The following FTCDNL1 variants were observed in gnomAD, a reference collection of about 807,000 sequenced individuals.
FTCDNL1 encodes formiminotransferase cyclodeaminase N-terminal like.
A neutral mutation model predicts 5.9 loss-of-function variants in FTCDNL1; 11 were observed. The observed-to-expected ratio is 1.87, with a 90% CI of 1.18 to 3.10. FTCDNL1 has a LOEUF of 3.10. Ranked by LOEUF, FTCDNL1 falls within the 30% of genes most tolerant of loss-of-function variation. The pLI is 0.00. For missense variants in FTCDNL1, 115 were observed against 65.5 expected (o/e 1.76, Z -2.61); for synonymous variants, 58 against 24.8 (o/e 2.34, Z -3.99).
chr2:199,788,486 A>G (rs1206990065), intron 3 of FTCDNL1, among the ~76,000 whole-genome samples: 1 of 152,232 alleles, frequency 6.6e-6, no homozygotes, highest in Admixed American at 6.5e-5. Context: ...GTAAATCCCG[A>G]GAATAAAATA....
At chr2:199,703,583 A>G in the FTCDNL1 span, among the ~76,000 whole-genome samples, 4 of 152,152 alleles carry the variant, frequency 2.6e-5, no homozygotes, top group Non-Finnish European at 5.9e-5. Flanking sequence ...GGCTCACATT[A>G]TATTTCTACT....
the FTCDNL1 span, among the ~76,000 whole-genome samples, chr2:199,683,990 G>C: frequency 3.3e-5 from 5 of 152,212 alleles, no homozygotes; most frequent in African/African-American, 7.2e-5. Flanking sequence ...CACTTTAATT[G>C]TGGGTGCAAT....
At chr2:199,801,309 C>A (rs1700435595) in intron 3 of FTCDNL1, among the ~76,000 whole-genome samples, 1 of 152,152 alleles carries the variant, frequency 6.6e-6, no homozygotes, top group African/African-American at 2.4e-5. Context: ...CAGAGCCACT[C>A]CCAGAACCAG....
At chr2:199,781,670 A>C (rs1699367773) in intron 3 of FTCDNL1, among the ~76,000 whole-genome samples, 1 of 152,190 alleles carries the variant, frequency 6.6e-6, no homozygotes, top group South Asian at 2.1e-4. Context: ...CATGTGAGCT[A>C]TGTCTGATTC....
chr2:199,838,753 G>C (rs760080607), intron 3 of FTCDNL1, among the ~76,000 whole-genome samples: 1 of 152,168 alleles, frequency 6.6e-6, no homozygotes, highest in Non-Finnish European at 1.5e-5. Flanking sequence ...GCCACACCCT[G>C]GTAGAATATG....
intron 3 of FTCDNL1, among the ~76,000 whole-genome samples, chr2:199,783,866 T>C (rs963646944): frequency 1.3e-5 from 2 of 151,968 alleles, no homozygotes; most frequent in Non-Finnish European, 2.9e-5. Flanking sequence ...ACAAAAAGGA[T>C]TTTGTATCAT....
the FTCDNL1 span, among the ~76,000 whole-genome samples, chr2:199,727,652 A>T: frequency 6.7e-6 from 1 of 150,002 alleles, no homozygotes; most frequent in African/African-American, 2.5e-5. Flanking sequence ...TGTAGGATTC[A>T]CTTGCTGTTT....
At chr2:199,772,256 C>T (rs975731665) in intron 3 of FTCDNL1, among the ~76,000 whole-genome samples, 4 of 152,178 alleles carry the variant, frequency 2.6e-5, no homozygotes, top group Non-Finnish European at 5.9e-5. Context: ...TAGCATACAA[C>T]TTAAAGCTTA....
At chr2:199,813,289 C>T (rs756173603) in intron 4 of FTCDNL1, among the ~76,000 whole-genome samples, 12 of 151,948 alleles carry the variant, frequency 7.9e-5, no homozygotes, top group Non-Finnish European at 7.4e-5. Context: ...ATTTTTTTTC[C>T]CTTTAGATCA....
At chr2:199,712,351 C>T in the FTCDNL1 span, among the ~76,000 whole-genome samples, 1 of 152,148 alleles carries the variant, frequency 6.6e-6, no homozygotes, top group African/African-American at 2.4e-5. Flanking sequence ...CTTCAACTGG[C>T]ACTTTTAATA....
At chr2:199,679,363 T>C in the FTCDNL1 span, among the ~76,000 whole-genome samples, 1 of 152,132 alleles carries the variant, frequency 6.6e-6, no homozygotes, top group Non-Finnish European at 1.5e-5. Flanking sequence ...AATTAAACTT[T>C]TGTTATTTTG....
the FTCDNL1 span, among the ~76,000 whole-genome samples, chr2:199,714,004 T>G: frequency 6.6e-6 from 1 of 152,168 alleles, no homozygotes; most frequent in African/African-American, 2.4e-5. Context: ...AAAAAGAGAA[T>G]GCAAATCAGA....
the FTCDNL1 span, among the ~76,000 whole-genome samples, chr2:199,752,782 ATG>A: frequency 8.7e-5 from 3 of 34,582 alleles, no homozygotes; most frequent in African/African-American, 2.1e-4. Flanking sequence ...GTGTGTGTGT[ATG>A]TGTGTGTGTG....
chr2:199,795,549 C>T (rs147657435), intron 3 of FTCDNL1, among the ~76,000 whole-genome samples: 81 of 152,334 alleles, frequency 5.3e-4, no homozygotes, highest in Admixed American at 7.8e-4. Context: ...AGAAAGCAAG[C>T]TCCCTAAGGG....
the FTCDNL1 span, among the ~76,000 whole-genome samples, chr2:199,746,793 C>T: frequency 2.0e-5 from 3 of 151,052 alleles, no homozygotes; most frequent in Non-Finnish European, 2.9e-5. Context: ...TATTTTTCTT[C>T]GAAAAATTAA....
chr2:199,740,383 C>A, the FTCDNL1 span, among the ~76,000 whole-genome samples: 3 of 152,194 alleles, frequency 2.0e-5, no homozygotes, highest in South Asian at 2.1e-4. Flanking sequence ...GGAACTCAAG[C>A]CAAGCTGTAG....
the FTCDNL1 span, among the ~76,000 whole-genome samples, chr2:199,674,192 G>A: frequency 6.6e-6 from 1 of 152,136 alleles, no homozygotes; most frequent in Non-Finnish European, 1.5e-5. Flanking sequence ...AAGGAAGAAT[G>A]TCACTGAGTA....
the FTCDNL1 span, among the ~76,000 whole-genome samples, chr2:199,731,813 G>A: frequency 6.6e-6 from 1 of 151,438 alleles, no homozygotes; most frequent in African/African-American, 2.4e-5. Context: ...GCGAGAACCC[G>A]GGAGGCGGAG....
At chr2:199,795,693 C>T (rs976914630) in intron 3 of FTCDNL1, among the ~76,000 whole-genome samples, 1 of 152,162 alleles carries the variant, frequency 6.6e-6, no homozygotes, top group African/African-American at 2.4e-5. Flanking sequence ...TCTGGAAACA[C>T]CAGAAGGCTG....
Sources: allele counts gnomAD v4.1 joint callset (sites outside exome capture counted in the v4.1 genomes callset), GRCh38; gene constraint gnomAD v4.1.1; transcripts MANE v1.5; gene names NCBI Gene and HGNC (gene_info 2026-07-23, HGNC 2026-07-21).